Variants in TFPI2 observed in about 807,000 individuals in gnomAD.
TFPI2 encodes the protein placental protein 5.
Under a neutral mutation model 23.1 loss-of-function variants are expected in TFPI2, and 23 were observed. The observed-to-expected ratio is 1.00, with a 90% confidence interval of 0.72 to 1.41. The LOEUF is 1.41. TFPI2 is among the 40% of genes most tolerant of loss of function. The probability of loss-of-function intolerance (pLI) is 0.00; values close to 1 mark genes in which losing one functional copy is unlikely to be tolerated. For synonymous variants in TFPI2, 119 were observed against 111.7 expected (o/e 1.07, Z -0.41); for missense variants, 291 against 299.6 (o/e 0.97, Z 0.21).
At chr7:93,888,589 G>GGAAGGAAGGAAGGAAAGAGAAAGAA (rs138314368) in intron 3 of TFPI2, among the ~76,000 whole-genome samples, 24 of 103,348 alleles carry the variant, frequency 2.3e-4, no homozygotes, top group African/African-American at 1.1e-3. Flanking sequence ...AGGAAGGAAA[G>GGAAGGAAGGAAGGAAAGAGAAAGAA]AGAAAGAAAG....
In TFPI2 at chr7:93,890,699, C is replaced by T. The variant is rs764466106; in HGVS notation, c.-21G>A. 1 of 1,599,710 alleles carries T rather than the reference C, an allele frequency of 6.3e-7. No homozygotes were observed. The highest frequency in any genetic ancestry group is 8.5e-7 in the Non-Finnish European group (1 of 1,174,420). On this transcript the variant is annotated 5_prime_UTR_variant, in exon 1 of 5. Transcript: ENST00000222543. ...TCCATGGTGCAGGGGGTCGGGCGGC[C>T]CGCTGGGCAAGGCGTCCGAGAAAGC...
At chr7:93,890,404 T>G (rs949169169) in intron 1 of TFPI2, 85 bp from the exon 2 acceptor site, 1 of 1,496,720 alleles carries the variant, frequency 6.7e-7, no homozygotes, top group African/African-American at 1.4e-5. Flanking sequence ...CGGGGAGTTC[T>G]GTCCCCTTCC....
Position 93,886,560 on chromosome 7 carries a change from T to G in TFPI2, c.*260A>C, listed in dbSNP as rs1297401344. ...GACCCCAAGAAATGAGTGAGTCATA[T>G]TTGCTTTTATATCTTATGCATTGCA... On this transcript the variant is annotated 3_prime_UTR_variant, in exon 5 of 5. Coordinates refer to ENST00000222543, the MANE Select transcript of TFPI2 (RefSeq NM_006528.4). 3.1e-6 allele frequency: 1 copy of G among 317,720 alleles called. No homozygotes were observed. Among genetic ancestry groups the G allele is most frequent in the African/African-American group, 2.2e-5 (1 of 45,832 alleles). The allele number at this position is 317,720 out of a possible 1,614,324, so 19.7% of individuals were successfully genotyped here.
rs138191431 is a variant in TFPI2, at chr7:93,889,047, C to T, written c.448G>A (p.Ala150Thr). Residue 150 changes from alanine to threonine, a missense_variant, in exon 3 of 5, where the codon GCA becomes ACA. By Grantham distance (58) the Ala-to-Thr change is moderately conservative (BLOSUM62 0). Transcript: ENST00000222543. Reference protein sequence around the residue: ...PDEATCMGFCAPKKIPSFCYS... With the variant: ...PDEATCMGFCTPKKIPSFCYS... Reference sequence around the variant, plus strand: ...AAATCGTATTTACTTTTCTTTGGTGCGCAGAAGCCCATACAAGTAGCTTCA... The same window carrying T: ...AAATCGTATTTACTTTTCTTTGGTGTGCAGAAGCCCATACAAGTAGCTTCA... 76 of 1,599,376 alleles carry T rather than the reference C, an allele frequency of 4.8e-5. No individual in the cohort carries two copies. In the Middle Eastern group the frequency reaches 5.0e-4, roughly 10 times the overall value.
chr7:93,890,576 G>A lies in TFPI2; in HGVS notation c.88+15C>T, dbSNP rs1475189515. ...CCGCCGGTTGGGGAGAGAAGCTCCT[G>A]GAGCGGCCAGATACCTGTTGGCTCC... On this transcript the variant is annotated intron_variant, in intron 1 of 4. Transcript: ENST00000222543. The A allele has an allele frequency of 6.2e-7, 1 of 1,612,276 alleles. No homozygotes were observed. The highest frequency in any genetic ancestry group is 1.7e-5 in the Admixed American group (1 of 59,854).
chr7:93,885,973 T>C lies in TFPI2; in HGVS notation c.*847A>G, dbSNP rs1793982524. 1 of 152,066 alleles carries C rather than the reference T, an allele frequency of 6.6e-6. No homozygotes were observed. The highest frequency in any genetic ancestry group is 1.5e-5 in the Non-Finnish European group (1 of 67,918). 9.4% of individuals were successfully genotyped at this position (152,066 alleles called of 1,614,324 possible). On this transcript the variant is annotated 3_prime_UTR_variant, in exon 5 of 5. Coordinates refer to ENST00000222543, the MANE Select transcript of TFPI2 (RefSeq NM_006528.4). ...CCATATTTAATCAATGATAATTTACTGGTGAAATTTAAATTATTAAATTTA... is the reference window on the plus strand; with the variant it reads ...CCATATTTAATCAATGATAATTTACCGGTGAAATTTAAATTATTAAATTTA...
chr7:93,887,373 G>A lies in TFPI2; in HGVS notation c.519C>T (p.Arg173=), dbSNP rs1794015153. The A allele has an allele frequency of 6.2e-7, 1 of 1,613,682 alleles. No homozygotes were observed. The highest frequency in any genetic ancestry group is 8.5e-7 in the Non-Finnish European group (1 of 1,179,802). The change falls in exon 4 of 5, where the codon CGC becomes CGT. Residue 173 remains arginine (R), a synonymous_variant. Transcript: ENST00000222543. ...DEGLCSANVT[R]YYFNPRYRTC... ...TTCTGTATCTTGGATTAAAATAATA[G>A]CGAGTCACATTGGCAGAGCACAGTC...
rs1488872726 is a variant in TFPI2, at chr7:93,885,504, C to T, written c.*1316G>A. On this transcript the variant is annotated 3_prime_UTR_variant, in exon 5 of 5. Transcript: ENST00000222543. ...ATTTACACAAATATTATCTCCACAA[C>T]TGTCCACCCCTCTGTTCTCTCCAAA... 2 of 151,998 alleles carry T rather than the reference C, an allele frequency of 1.3e-5. No individual in the cohort carries two copies. Among genetic ancestry groups the T allele is most frequent in the Admixed American group, 1.3e-4 (2 of 15,272 alleles). The allele number at this position is 151,998 out of a possible 1,614,324, so 9.4% of individuals were successfully genotyped here.
intron 3 of TFPI2, 79 bp downstream of exon 3, chr7:93,888,940 AAATGCACATGTTAATT>A: frequency 1.8e-6 from 2 of 1,139,614 alleles, no homozygotes; most frequent in Non-Finnish European, 2.5e-6. Context: ...GAAATCATGA[AAATGCACATGTTAATT>A]TCGCATCAAA....
chr7:93,890,407 C>T (rs1012003373), intron 1 of TFPI2, 88 bp from the exon 2 acceptor site: 1 of 1,495,960 alleles, frequency 6.7e-7, no homozygotes, highest in Non-Finnish European at 9.0e-7. Context: ...GGAGTTCTGT[C>T]CCCTTCCGAG....
chr7:93,888,451 G>A (rs574364320), intron 3 of TFPI2, among the ~76,000 whole-genome samples: 4 of 150,226 alleles, frequency 2.7e-5, no homozygotes, highest in Non-Finnish European at 4.4e-5. Flanking sequence ...GAGGTCAGGA[G>A]ATCAAGACCA....
chr7:93,889,988 A>G (rs1794091480), intron 2 of TFPI2, 149 bp downstream of exon 2: 5 of 743,370 alleles, frequency 6.7e-6, no homozygotes, highest in Admixed American at 3.3e-5. Context: ...ATTACTTTTA[A>G]GAAACTGAAA....
chr7:93,886,618 A>G lies in TFPI2; in HGVS notation c.*202T>C. The G allele has an allele frequency of 6.6e-6, 3 of 452,754 alleles. No homozygotes were observed. The South Asian group carries it at 1.1e-4, about 17-fold the overall frequency. 28.0% of individuals were successfully genotyped at this position (452,754 alleles called of 1,614,324 possible). On this transcript the variant is annotated 3_prime_UTR_variant, in exon 5 of 5. Transcript: ENST00000222543. ...AGTCTCACAAACAGTTGAACCATAA[A>G]TTAAAAATGGTAGACTCACATTTGA...
chr7:93,890,540 C>T (rs1362168520), intron 1 of TFPI2, 51 bp downstream of exon 1: 1 of 1,585,902 alleles, frequency 6.3e-7, no homozygotes, highest in East Asian at 2.3e-5. Flanking sequence ...CCATGGCCCG[C>T]TGCGCCCTCT....
Position 93,890,729 on chromosome 7 carries a change from G to C in TFPI2, c.-51C>G, listed in dbSNP as rs1337561197. 12 of 1,538,640 alleles carry C rather than the reference G, an allele frequency of 7.8e-6. No individual in the cohort carries two copies. Among genetic ancestry groups the C allele is most frequent in the African/African-American group, 1.4e-5 (1 of 71,036 alleles). The stretch of plus-strand genomic sequence containing the variant: ...GGGCAAGGCGTCCGAGAAAGCGCCT[G>C]GCGGGAGGAGGTGCGCGGCTTTCTG... On this transcript the variant is annotated 5_prime_UTR_variant, in exon 1 of 5. Transcript: ENST00000222543.
intron 4 of TFPI2, 33 bp from the exon 5 acceptor site, chr7:93,886,929 C>T: frequency 7.0e-7 from 1 of 1,431,990 alleles, no homozygotes; most frequent in Non-Finnish European, 9.4e-7. Flanking sequence ...GAAAATCATA[C>T]ATCTCCAGTC....
Position 93,887,044 on chromosome 7 carries a change from T to C in TFPI2, c.632-148A>G, listed in dbSNP as rs918611405. On this transcript the variant is annotated intron_variant, in intron 4 of 4. Coordinates refer to ENST00000222543, the MANE Select transcript of TFPI2 (RefSeq NM_006528.4). ...AACTCATTATACACTCAGTTAATAA[T>C]ATTTTACCTTTAAGATATGAAGATA... The C allele has an allele frequency of 1.7e-5, 13 of 751,662 alleles. No homozygotes were observed. The Admixed American group carries it at 4.1e-4, about 24-fold the overall frequency. 46.6% of individuals were successfully genotyped at this position (751,662 alleles called of 1,614,324 possible).
In TFPI2 at chr7:93,886,829, C is replaced by T. The variant is rs902037338; in HGVS notation, c.699G>A (p.Lys233=). ...GACATATTAAGAATGTTTAAAATTG[C>T]TTCTTCCGAATTTTCCGGATTCTAC... ...FASRIRKIRK[K]QF Residue 233 remains lysine, a synonymous_variant, in exon 5 of 5, where the codon AAG becomes AAA. Coordinates refer to ENST00000222543, the MANE Select transcript of TFPI2 (RefSeq NM_006528.4). The T allele has an allele frequency of 6.4e-7, 1 of 1,553,294 alleles. No individual in the cohort carries two copies. Among genetic ancestry groups the T allele is most frequent in the South Asian group, 1.2e-5 (1 of 80,204 alleles).
chr7:93,890,379 GAGGAAAGA>G, intron 1 of TFPI2, 60 bp from the exon 2 acceptor site: 1 of 1,543,976 alleles, frequency 6.5e-7, no homozygotes, highest in Non-Finnish European at 8.8e-7. Flanking sequence ...TAGCTCCTAG[GAGGAAAGA>G]ACATCCCGGG....
Sources: allele counts gnomAD v4.1 joint callset (sites outside exome capture counted in the v4.1 genomes callset), GRCh38; gene constraint gnomAD v4.1.1; transcripts MANE v1.5; gene names NCBI Gene and HGNC (gene_info 2026-07-23, HGNC 2026-07-21).